Variants in SGCG observed in about 807,000 individuals in gnomAD.
The protein encoded by SGCG is sarcoglycan gamma.
A neutral mutation model predicts 29.3 loss-of-function variants in SGCG; 26 were observed. The ratio of observed to expected loss-of-function variants is 0.89; its 90% CI spans 0.65 to 1.23. The LOEUF is 1.23. Among genes scored for constraint, SGCG ranks in the 50% most tolerant of loss-of-function variants. The pLI is 0.00. For missense variants in SGCG, 353 were observed against 356.0 expected (o/e 0.99, Z 0.07); for synonymous variants, 145 against 129.7 (o/e 1.12, Z -0.80).
chr13:23,188,310 G>C (rs1300805875), intron 1 of SGCG, among the ~76,000 whole-genome samples: 1 of 107,406 alleles, frequency 9.3e-6, no homozygotes, highest in Non-Finnish European at 1.8e-5. Context: ...TTTTACTAAG[G>C]CTTTTTTTTT....
intron 5 of SGCG, among the ~76,000 whole-genome samples, chr13:23,292,312 G>A (rs957431516): frequency 6.6e-6 from 1 of 152,120 alleles, no homozygotes; most frequent in African/African-American, 2.4e-5. Flanking sequence ...ATTTGATCAT[G>A]TTGGCCAGGC....
intron 1 of SGCG, among the ~76,000 whole-genome samples, chr13:23,194,351 C>G (rs960322601): frequency 1.3e-5 from 2 of 152,188 alleles, no homozygotes; most frequent in South Asian, 4.1e-4. Flanking sequence ...AGGACTGTTT[C>G]GGGTGCAAGT....
At chr13:23,248,196 A>G (rs2137565002) in intron 3 of SGCG, among the ~76,000 whole-genome samples, 1 of 151,656 alleles carries the variant, frequency 6.6e-6, no homozygotes, top group Admixed American at 6.6e-5. Flanking sequence ...TCCAAAAAAA[A>G]TTTCTATCAA....
intron 4 of SGCG, among the ~76,000 whole-genome samples, chr13:23,272,747 T>C (rs925008611): frequency 2.6e-5 from 4 of 152,194 alleles, no homozygotes; most frequent in Non-Finnish European, 5.9e-5. Context: ...CTGTGCTTGG[T>C]TCTTTTATGT....
upstream of SGCG, among the ~76,000 whole-genome samples, chr13:23,176,629 T>G (rs1314187946): frequency 6.6e-6 from 1 of 152,182 alleles, no homozygotes; most frequent in Non-Finnish European, 1.5e-5. Flanking sequence ...TGTGTCCTTA[T>G]AGGTGCAATA....
At chr13:23,193,957 A>G (rs1877386321) in intron 1 of SGCG, among the ~76,000 whole-genome samples, 1 of 152,186 alleles carries the variant, frequency 6.6e-6, no homozygotes, top group Non-Finnish European at 1.5e-5. Context: ...TAAAATTAGG[A>G]GAATACTGAT....
At chr13:23,200,118 C>T (rs1374411774) in intron 1 of SGCG, among the ~76,000 whole-genome samples, 1 of 98,458 alleles carries the variant, frequency 1.0e-5, no homozygotes, top group Non-Finnish European at 2.5e-5. Flanking sequence ...TTGTTGTACG[C>T]TTAAATAAAA....
intron 6 of SGCG, among the ~76,000 whole-genome samples, chr13:23,302,454 C>G (rs1001531779): frequency 5.3e-5 from 8 of 151,982 alleles, no homozygotes; most frequent in African/African-American, 1.9e-4. Context: ...CCAGCCCCTC[C>G]CTATCCTCTC....
chr13:23,176,780 T>C (rs1876571030), upstream of SGCG, among the ~76,000 whole-genome samples: 1 of 152,196 alleles, frequency 6.6e-6, no homozygotes, highest in African/African-American at 2.4e-5. Context: ...ATTAATTGTT[T>C]CCTGGCTGTT....
intron 2 of SGCG, among the ~76,000 whole-genome samples, chr13:23,231,366 C>T (rs1360352732): frequency 6.7e-6 from 1 of 149,824 alleles, no homozygotes; most frequent in Non-Finnish European, 1.5e-5. Context: ...TATTTTCCTG[C>T]ATGTTTTTCA....
intron 2 of SGCG, among the ~76,000 whole-genome samples, chr13:23,225,070 C>G (rs544727909): frequency 1.3e-5 from 2 of 152,212 alleles, no homozygotes; most frequent in South Asian, 2.1e-4. Context: ...CAACTAGATC[C>G]CAGCTGGTGT....
chr13:23,274,149 G>T (rs1880972046), intron 4 of SGCG, among the ~76,000 whole-genome samples: 2 of 151,876 alleles, frequency 1.3e-5, no homozygotes, highest in South Asian at 2.1e-4. Context: ...ATTCCACTTT[G>T]TCTGATATCA....
At chr13:23,166,534 G>T in the SGCG span, among the ~76,000 whole-genome samples, 3 of 152,114 alleles carry the variant, frequency 2.0e-5, no homozygotes, top group African/African-American at 7.2e-5. Context: ...TTGTCTGTCT[G>T]TCTCTCAAAT....
chr13:23,264,421 A>G (rs1380620612), intron 4 of SGCG, among the ~76,000 whole-genome samples: 2 of 152,184 alleles, frequency 1.3e-5, no homozygotes, highest in Non-Finnish European at 2.9e-5. Context: ...GCTGAAAGAA[A>G]TCATAGATGA....
intron 6 of SGCG, among the ~76,000 whole-genome samples, chr13:23,306,567 T>C (rs1882368466): frequency 1.3e-5 from 2 of 152,206 alleles, no homozygotes; most frequent in Non-Finnish European, 2.9e-5. Context: ...TCAATGTCTA[T>C]AAATACAAGT....
Position 23,324,707 on chromosome 13 carries a change from A to G in SGCG, c.*166A>G, listed in dbSNP as rs1883171522. 9 of 662,060 alleles carry G rather than the reference A, an allele frequency of 1.4e-5. No homozygotes were observed. Among genetic ancestry groups the G allele is most frequent in the Non-Finnish European group, 2.4e-5 (9 of 370,824 alleles). The allele number at this position is 662,060 out of a possible 1,614,324, so 41.0% of individuals were successfully genotyped here. On this transcript the variant is annotated 3_prime_UTR_variant, in exon 8 of 8. Coordinates refer to ENST00000218867, the MANE Select transcript of SGCG (RefSeq NM_000231.3). ...CAGTGAAAGTGTTTGGACAAAAACTACATGATCTCAAAATGCACGTGGATG... is the reference window on the plus strand; with the variant it reads ...CAGTGAAAGTGTTTGGACAAAAACTGCATGATCTCAAAATGCACGTGGATG...
intron 3 of SGCG, among the ~76,000 whole-genome samples, chr13:23,235,942 AAT>A (rs2137546651): frequency 6.6e-6 from 1 of 152,318 alleles, no homozygotes; most frequent in East Asian, 1.9e-4. Flanking sequence ...CCAATTGCAA[AAT>A]GACATGGCAT....
At chr13:23,317,427 GA>G (rs1470043126) in intron 6 of SGCG, among the ~76,000 whole-genome samples, 1 of 149,338 alleles carries the variant, frequency 6.7e-6, no homozygotes, top group African/African-American at 2.5e-5. Context: ...GGTGCTTGCT[GA>G]AGGCAAAGGG....
intron 3 of SGCG, chr13:23,246,320 G>A (rs1879708040): frequency 6.6e-6 from 1 of 152,210 alleles, no homozygotes; most frequent in South Asian, 2.1e-4. Context: ...CCTTATGGAG[G>A]ACATGCATCT....
Sources: gnomAD v4.1 joint callset for allele counts (sites outside exome capture counted in the v4.1 genomes callset) on GRCh38, gnomAD v4.1.1 for gene constraint, MANE v1.5 for transcripts, NCBI Gene and HGNC (gene_info 2026-07-23, HGNC 2026-07-21) for gene names.